PJA2: variants seen among roughly 807,000 people sequenced by gnomAD.
The protein encoded by PJA2 is E3 ubiquitin-protein ligase Praja-2.
PJA2 carries 25 observed loss-of-function variants against 69.3 expected under a neutral mutation model. The ratio of observed to expected loss-of-function variants is 0.36; its 90% CI spans 0.26 to 0.50. The LOEUF is 0.50. PJA2 is among the 20% of genes least tolerant of loss of function. The pLI is 0.96. For synonymous variants in PJA2, 308 were observed against 277.8 expected, an observed-to-expected ratio of 1.11 and a Z score of -1.08; for missense variants, 809 against 830.2, an observed-to-expected ratio of 0.97 and a Z score of 0.31.
At chr5:109,397,550 G>A (rs1001023774) in intron 1 of PJA2, among the ~76,000 whole-genome samples, 5 of 151,642 alleles carry the variant, frequency 3.3e-5, no homozygotes, top group African/African-American at 4.8e-5. Flanking sequence ...ACGGAGTCTC[G>A]TTCTATTGCC....
chr5:109,381,310 A>G (rs1467556939), intron 3 of PJA2, among the ~76,000 whole-genome samples, 193 bp downstream of exon 3: 1 of 152,090 alleles, frequency 6.6e-6, no homozygotes, highest in Non-Finnish European at 1.5e-5. Context: ...GCTGTATTCT[A>G]TTTTCTTCTA....
chr5:109,369,929 G>C (rs1762648182), intron 4 of PJA2, among the ~76,000 whole-genome samples: 1 of 151,888 alleles, frequency 6.6e-6, no homozygotes, highest in African/African-American at 2.4e-5. Context: ...CTACTTGGGA[G>C]GCTGAGGCAG....
intron 1 of PJA2, among the ~76,000 whole-genome samples, chr5:109,386,692 A>G (rs1747166374): frequency 1.3e-5 from 2 of 152,098 alleles, no homozygotes; most frequent in African/African-American, 4.8e-5. Flanking sequence ...AATGGTTTCA[A>G]CAAGTATATG....
chr5:109,344,100 C>CA (rs916556182), intron 9 of PJA2, 90 bp downstream of exon 9: 40,152 of 397,008 alleles, frequency 0.1, 936 homozygotes, highest in African/African-American at 0.29. Flanking sequence ...TTTGTCTCAC[C>CA]AAAAAAAAAA....
intron 4 of PJA2, among the ~76,000 whole-genome samples, chr5:109,369,838 G>C (rs1762646027): frequency 6.6e-6 from 1 of 152,064 alleles, no homozygotes; most frequent in Admixed American, 6.6e-5. Context: ...TTCGAGAGCA[G>C]CCTGACCAAC....
intron 9 of PJA2, among the ~76,000 whole-genome samples, chr5:109,342,437 C>A (rs1762087416): frequency 7.2e-6 from 1 of 139,736 alleles, no homozygotes; most frequent in African/African-American, 2.7e-5. Context: ...GGATGTCGGC[C>A]CCCCGCCCGG....
rs1405270633 is a variant in PJA2 at position 109,409,946 on chromosome 5, CTGGCGGCTGTGGCGGCGGCGGCGGCGG to C, written c.-219_-193del. The C allele has an allele frequency of 4.7e-6, 1 of 211,286 alleles. No individual in the cohort carries two copies. Among genetic ancestry groups the C allele is most frequent in the East Asian group, 1.6e-4 (1 of 6,074 alleles). The allele number at this position is 211,286 out of a possible 1,614,324, so 13.1% of individuals were successfully genotyped here. A position where few individuals can be genotyped will look rare whatever the true frequency, so the allele number is the denominator to read the frequency against. Reference sequence around the variant, plus strand: ...TCCTCCCCCGCCGAACGCGAAGCGGCTGGCGGCTGTGGCGGCGGCGGCGGCGGTGGCGGCGGCGGAAGCAGAGGCGGT... The same window carrying C: ...TCCTCCCCCGCCGAACGCGAAGCGGCTGGCGGCGGCGGAAGCAGAGGCGGT... On this transcript the variant is annotated 5_prime_UTR_variant, in exon 1 of 10. Coordinates refer to ENST00000361189, the MANE Select transcript of PJA2 (RefSeq NM_014819.5).
intron 9 of PJA2, among the ~76,000 whole-genome samples, chr5:109,342,397 G>A (rs1448289965): frequency 5.8e-5 from 7 of 120,538 alleles, no homozygotes; most frequent in Admixed American, 1.6e-4. Flanking sequence ...CCCCCTGCCC[G>A]GCCAGCCGCC....
At chr5:109,345,558 A>C (rs1762160589) in intron 7 of PJA2, among the ~76,000 whole-genome samples, 2 of 150,926 alleles carry the variant, frequency 1.3e-5, no homozygotes, top group Non-Finnish European at 2.9e-5. Flanking sequence ...ATAATCATCT[A>C]CTTCTCCGTA....
intron 1 of PJA2, among the ~76,000 whole-genome samples, chr5:109,404,966 G>A (rs1019689482): frequency 1.3e-5 from 2 of 152,102 alleles, no homozygotes; most frequent in Admixed American, 1.3e-4. Context: ...AAGAAAAGGT[G>A]GAAGGAGTTA....
chr5:109,365,873 G>A (rs1195207082), intron 5 of PJA2, among the ~76,000 whole-genome samples: 3 of 152,126 alleles, frequency 2.0e-5, no homozygotes, highest in Non-Finnish European at 4.4e-5. Context: ...ACTAACAGAT[G>A]TTTAGCAGAT....
intron 7 of PJA2, among the ~76,000 whole-genome samples, chr5:109,354,952 C>T (rs1195333032): frequency 5.9e-5 from 9 of 151,394 alleles, no homozygotes; most frequent in Non-Finnish European, 8.8e-5. Context: ...CTATCTCTAC[C>T]AAAAAACCCC....
At chr5:109,354,211 GATTAGATATCTATGATGTCTAGAGATT>G (rs1391826395) in intron 7 of PJA2, among the ~76,000 whole-genome samples, 2 of 146,660 alleles carry the variant, frequency 1.4e-5, no homozygotes, top group African/African-American at 4.9e-5. Flanking sequence ...GATATCTATA[GATTAGATATCTATGATGTCTAGAGATT>G]TCTATAGATT....
At chr5:109,373,184 A>C (rs567652635) in intron 4 of PJA2, among the ~76,000 whole-genome samples, 1 of 152,210 alleles carries the variant, frequency 6.6e-6, no homozygotes, top group South Asian at 2.1e-4. Flanking sequence ...GGGTATGGAA[A>C]ACTTTTTCTT....
Position 109,363,143 on chromosome 5 carries a change from A to T in PJA2, c.1470-121T>A, listed in dbSNP as rs1762528932. On this transcript the variant is annotated intron_variant, in intron 5 of 9. Coordinates refer to ENST00000361189, the MANE Select transcript of PJA2 (RefSeq NM_014819.5). ...GTTCTAAGCTCTTGGTACTTTTATAATTCTAAAAAACTGTCTTCCTTAACT... is the reference window on the plus strand; with the variant it reads ...GTTCTAAGCTCTTGGTACTTTTATATTTCTAAAAAACTGTCTTCCTTAACT... The T allele has an allele frequency of 4.9e-6, 4 of 817,330 alleles. No individual in the cohort carries two copies. The African/African-American group carries it at 6.9e-5, about 14-fold the overall frequency. The allele number at this position is 817,330 out of a possible 1,614,324, so 50.6% of individuals were successfully genotyped here.
intron 1 of PJA2, among the ~76,000 whole-genome samples, chr5:109,408,235 T>C (rs913671118): frequency 1.3e-5 from 2 of 151,922 alleles, no homozygotes; most frequent in Non-Finnish European, 2.9e-5. Flanking sequence ...CATTCTTCCA[T>C]ACTGTTTAAT....
chr5:109,376,003 A>C (rs1940727488), intron 4 of PJA2, among the ~76,000 whole-genome samples: 1 of 152,192 alleles, frequency 6.6e-6, no homozygotes. Flanking sequence ...AACATATCTT[A>C]AGGCTATGGA....
Position 109,409,965 on chromosome 5 carries a change from C to CGGCGGCGGCGGCGGT in PJA2, c.-212_-211insACCGCCGCCGCCGCC. ...AAGCGGCTGGCGGCTGTGGCGGCGG[C>CGGCGGCGGCGGCGGT]GGCGGCGGTGGCGGCGGCGGAAGCA... On this transcript the variant is annotated 5_prime_UTR_variant, in exon 1 of 10. Transcript: ENST00000361189. 4.6e-6 allele frequency: 1 copy of CGGCGGCGGCGGCGGT among 216,428 alleles called. No homozygotes were observed. Among genetic ancestry groups the CGGCGGCGGCGGCGGT allele is most frequent in the Non-Finnish European group, 9.1e-6 (1 of 110,044 alleles). The allele number at this position is 216,428 out of a possible 1,614,324, so 13.4% of individuals were successfully genotyped here.
chr5:109,375,019 G>A (rs1351221269), intron 4 of PJA2, among the ~76,000 whole-genome samples: 2 of 152,092 alleles, frequency 1.3e-5, no homozygotes, highest in African/African-American at 4.8e-5. Context: ...ATAAGGTGGT[G>A]CTCAGTACCT....
Sources: gnomAD v4.1 joint callset for allele counts (sites outside exome capture counted in the v4.1 genomes callset) on GRCh38, gnomAD v4.1.1 for gene constraint, MANE v1.5 for transcripts, NCBI Gene and HGNC (gene_info 2026-07-23, HGNC 2026-07-21) for gene names.